The following SLC35F3 variants were observed in gnomAD, a reference collection of about 807,000 sequenced individuals.
SLC35F3 encodes solute carrier family 35 member F3.
In SLC35F3, 25 loss-of-function variants were observed where a neutral mutation model predicts 49.9. The observed-to-expected ratio is 0.50, with a 90% CI of 0.37 to 0.70. The LOEUF is 0.70. Among genes scored for constraint, SLC35F3 ranks in the 30% least tolerant of loss-of-function variants. The probability of loss-of-function intolerance (pLI) is 0.00; values close to 1 mark genes in which losing one functional copy is unlikely to be tolerated. For missense variants in SLC35F3, 525 were observed against 639.8 expected, an observed-to-expected ratio of 0.82 and a Z score of 1.94; for synonymous variants, 275 against 265.4, an observed-to-expected ratio of 1.04 and a Z score of -0.35.
chr1:234,158,807 A>C (rs1016985981), intron 2 of SLC35F3, among the ~76,000 whole-genome samples: 1 of 152,332 alleles, frequency 6.6e-6, no homozygotes, highest in South Asian at 2.1e-4. Flanking sequence ...GGTGGACAAA[A>C]GATCTGAGAA....
chr1:234,091,960 T>C (rs1297427648), intron 2 of SLC35F3, among the ~76,000 whole-genome samples: 3 of 152,196 alleles, frequency 2.0e-5, no homozygotes, highest in African/African-American at 7.2e-5. Flanking sequence ...CTTTCTTTGG[T>C]TGTGAGAAGC....
At chr1:234,298,081 A>G (rs12043957) in intron 3 of SLC35F3, among the ~76,000 whole-genome samples, 19,512 of 152,172 alleles carry the variant, frequency 0.13, 2,468 homozygotes, top group African/African-American at 0.32. Flanking sequence ...AACTCATTAA[A>G]TTGTATACAT....
At position 234,050,615 on chromosome 1, in the gene SLC35F3, T is replaced by C. The variant is rs180867467; in HGVS notation, c.283+144857T>C. ...CTGTTCACTCTGATGGTAGTTTCTTTTGCTGTGCAGAAGCTCTTTAGTTTA... is the reference window on the plus strand; with the variant it reads ...CTGTTCACTCTGATGGTAGTTTCTTCTGCTGTGCAGAAGCTCTTTAGTTTA... On this transcript the variant is annotated intron_variant, in intron 2 of 7. Transcript: ENST00000366618. 1.8e-3 allele frequency among the ~76,000 whole-genome samples: 279 copies of C among 152,354 alleles called. 2 individuals carry two copies. The highest frequency in any genetic ancestry group is 6.4e-3 in the African/African-American group (266 of 41,580).
chr1:233,928,546 T>C (rs894601023), intron 2 of SLC35F3, among the ~76,000 whole-genome samples: 1 of 152,188 alleles, frequency 6.6e-6, no homozygotes, highest in African/African-American at 2.4e-5. Context: ...CTTTTCCTTT[T>C]TCCTTTTCCG....
chr1:234,086,001 C>T (rs569273792), intron 2 of SLC35F3, among the ~76,000 whole-genome samples: 1 of 152,316 alleles, frequency 6.6e-6, no homozygotes, highest in African/African-American at 2.4e-5. Context: ...TGTGTGTTTT[C>T]ACTAAAGGGA....
chr1:234,245,494 A>T (rs1667616724), intron 3 of SLC35F3, among the ~76,000 whole-genome samples: 1 of 152,180 alleles, frequency 6.6e-6, no homozygotes, highest in South Asian at 2.1e-4. Context: ...CAGCAATGGG[A>T]TTGCTTCCTG....
chr1:234,200,802 T>C lies in SLC35F3; in HGVS notation c.284-30615T>C, dbSNP rs562337267. The stretch of plus-strand genomic sequence containing the variant: ...CCCATCAATCTAAAATACTCTCGGC[T>C]TCATTGCAGCTGCAGCTGCGAGACA... On this transcript the variant is annotated intron_variant, in intron 2 of 7. Coordinates refer to ENST00000366618, the MANE Select transcript of SLC35F3 (RefSeq NM_173508.4). 2.6e-5 allele frequency among the ~76,000 whole-genome samples: 4 copies of C among 152,320 alleles called. No homozygotes were observed. The East Asian group carries it at 7.7e-4, about 29-fold the overall frequency.
At chr1:234,050,511 T>G (rs1664360260) in intron 2 of SLC35F3, among the ~76,000 whole-genome samples, 1 of 152,242 alleles carries the variant, frequency 6.6e-6, no homozygotes, top group African/African-American at 2.4e-5. Context: ...TAAATTTGTT[T>G]AAGTTCTTTG....
At chr1:234,067,107 G>A (rs967590916) in intron 2 of SLC35F3, among the ~76,000 whole-genome samples, 1 of 152,046 alleles carries the variant, frequency 6.6e-6, no homozygotes, top group Admixed American at 6.5e-5. Flanking sequence ...ATCATCATTT[G>A]TTATATCCCA....
chr1:234,077,225 CG>C (rs1383024407), intron 2 of SLC35F3, among the ~76,000 whole-genome samples: 1 of 151,378 alleles, frequency 6.6e-6, no homozygotes, highest in Non-Finnish European at 1.5e-5. Flanking sequence ...AGGATGGTCT[CG>C]ATCTCCTGAC....
intron 5 of SLC35F3, among the ~76,000 whole-genome samples, chr1:234,317,691 C>T (rs1164574548): frequency 6.6e-6 from 1 of 152,172 alleles, no homozygotes; most frequent in African/African-American, 2.4e-5. Flanking sequence ...CAGAGGAAGA[C>T]ACACATGTCA....
intron 2 of SLC35F3, among the ~76,000 whole-genome samples, chr1:234,095,726 C>A (rs1456712458): frequency 6.6e-6 from 1 of 152,194 alleles, no homozygotes; most frequent in Non-Finnish European, 1.5e-5. Context: ...AATCATAGTT[C>A]TGCCACTTAC....
At chr1:234,110,054 C>G (rs1342166589) in intron 2 of SLC35F3, among the ~76,000 whole-genome samples, 1 of 151,884 alleles carries the variant, frequency 6.6e-6, no homozygotes, top group Admixed American at 6.6e-5. Context: ...GGATGGAAAG[C>G]GAAGGACAGG....
intron 2 of SLC35F3, among the ~76,000 whole-genome samples, chr1:234,230,832 G>T (rs1355755376): frequency 1.3e-5 from 2 of 152,214 alleles, no homozygotes; most frequent in Non-Finnish European, 2.9e-5. Context: ...GAGTGGCGAA[G>T]TCTATTTTTG....
chr1:234,224,976 C>A (rs1393870975), intron 2 of SLC35F3, among the ~76,000 whole-genome samples: 1 of 152,216 alleles, frequency 6.6e-6, no homozygotes. Context: ...TATGTTCTTT[C>A]CCTGGAACCT....
At chr1:233,939,977 T>C (rs1477786900) in intron 2 of SLC35F3, among the ~76,000 whole-genome samples, 1 of 152,168 alleles carries the variant, frequency 6.6e-6, no homozygotes, top group African/African-American at 2.4e-5. Flanking sequence ...ACACAATAAA[T>C]AACATCCAAT....
At chr1:234,286,776 TAAAAC>T (rs1367227766) in intron 3 of SLC35F3, among the ~76,000 whole-genome samples, 2 of 152,086 alleles carry the variant, frequency 1.3e-5, no homozygotes, top group African/African-American at 4.8e-5. Context: ...AGCTAGAAAA[TAAAAC>T]AGGATAAAAG....
chr1:233,989,047 T>A (rs6685852), intron 2 of SLC35F3, among the ~76,000 whole-genome samples: 115,384 of 152,190 alleles, frequency 0.76, 44,687 homozygotes, highest in African/African-American at 0.93. Flanking sequence ...AATATTCTAA[T>A]TTTTCATGTT....
At chr1:234,189,932 C>T (rs1054365909) in intron 2 of SLC35F3, among the ~76,000 whole-genome samples, 10 of 152,186 alleles carry the variant, frequency 6.6e-5, no homozygotes, top group African/African-American at 2.4e-4. Context: ...TTAAACAAAA[C>T]AATTATCAGC....
Sources: allele counts gnomAD v4.1 joint callset (sites outside exome capture counted in the v4.1 genomes callset), GRCh38; gene constraint gnomAD v4.1.1; transcripts MANE v1.5; gene names NCBI Gene and HGNC (gene_info 2026-07-23, HGNC 2026-07-21).